TMEM51: variants seen among roughly 807,000 people sequenced by gnomAD.
The protein encoded by TMEM51 is transmembrane protein 51.
Under a neutral mutation model 13.6 loss-of-function variants are expected in TMEM51, and 8 were observed. The ratio of observed to expected loss-of-function variants is 0.59; its 90% CI spans 0.35 to 1.07. The LOEUF (loss-of-function observed/expected upper bound fraction) is 1.07, where lower values mean the gene tolerates loss of function less well. Among genes scored for constraint, TMEM51 ranks in the 50% least tolerant of loss-of-function variants. The pLI is 0.02. For synonymous variants in TMEM51, 147 were observed against 144.4 expected (o/e 1.02, Z -0.13); for missense variants, 279 against 330.7 (o/e 0.84, Z 1.21).
intron 1 of TMEM51, among the ~76,000 whole-genome samples, chr1:15,209,968 T>C (rs142073759): frequency 1.3e-5 from 2 of 151,746 alleles, no homozygotes; most frequent in African/African-American, 4.8e-5. Context: ...GAGGCGGAGG[T>C]TGCAGTGAGC....
chr1:15,164,396 C>T (rs986077224), intron 1 of TMEM51: 3 of 455,966 alleles, frequency 6.6e-6, no homozygotes, highest in African/African-American at 6.0e-5. Flanking sequence ...TAGAACTTCC[C>T]TGAATTTCGG....
intron 2 of TMEM51, among the ~76,000 whole-genome samples, chr1:15,214,006 C>CTTTTTTTTTTTTTTTTTTTTTTTTTTTTT (rs367871717): frequency 8.1e-6 from 1 of 124,204 alleles, no homozygotes; most frequent in Non-Finnish European, 1.7e-5. Flanking sequence ...AGCACCCAGC[C>CTTTTTTTTTTTTTTTTTTTTTTTTTTTTT]TTTTTTTTTT....
intron 1 of TMEM51, chr1:15,168,478 A>C: frequency 7.7e-7 from 1 of 1,300,172 alleles, no homozygotes; most frequent in Non-Finnish European, 1.0e-6. Context: ...AGAATGTATA[A>C]GTTCCAATTT....
chr1:15,164,142 C>T (rs756985126), intron 1 of TMEM51, among the ~76,000 whole-genome samples: 2 of 151,928 alleles, frequency 1.3e-5, no homozygotes, highest in African/African-American at 2.4e-5. Flanking sequence ...ATGTTGGCAT[C>T]TTACATAATC....
At chr1:15,218,827 G>C (rs1339409493) in intron 3 of TMEM51, among the ~76,000 whole-genome samples, 3 of 152,074 alleles carry the variant, frequency 2.0e-5, no homozygotes, top group East Asian at 3.9e-4. Context: ...GTCTTAAATA[G>C]CTTGCCCCTC....
chr1:15,184,557 T>TG lies in TMEM51; in HGVS notation c.-266-25932dup, dbSNP rs546296826. 2.0e-4 allele frequency among the ~76,000 whole-genome samples: 30 copies of TG among 152,270 alleles called. No individual in the cohort carries two copies. The East Asian group carries it at 5.4e-3, about 27-fold the overall frequency. On this transcript the variant is annotated intron_variant, in intron 1 of 3. Transcript: ENST00000376008. ...TCATTTTGGCTGCTGCGTAAAGACT[T>TG]GCTAGGGCCAGGGCAGCTGCAGAGA...
At chr1:15,192,380 A>G in intron 1 of TMEM51, 1 of 405,868 alleles carries the variant, frequency 2.5e-6, no homozygotes, top group Non-Finnish European at 4.8e-6. Context: ...AGTATCAGGA[A>G]CTCCTTCTTG....
intron 1 of TMEM51, among the ~76,000 whole-genome samples, chr1:15,174,955 A>T (rs1004860217): frequency 2.0e-5 from 3 of 152,210 alleles, no homozygotes; most frequent in Non-Finnish European, 4.4e-5. Context: ...TTAGAGCTTC[A>T]TATGAATTTT....
intron 1 of TMEM51, chr1:15,168,858 T>C: frequency 8.2e-7 from 1 of 1,221,466 alleles, no homozygotes; most frequent in South Asian, 1.5e-5. Context: ...TTACAGATAT[T>C]TGGGGACTAC....
intron 1 of TMEM51, among the ~76,000 whole-genome samples, chr1:15,156,867 A>G (rs1642609047): frequency 6.6e-6 from 1 of 152,134 alleles, no homozygotes; most frequent in Non-Finnish European, 1.5e-5. Flanking sequence ...ACCTGGCCAC[A>G]TTCGGGACCA....
intron 3 of TMEM51, among the ~76,000 whole-genome samples, chr1:15,216,824 G>A (rs910404813): frequency 4.6e-5 from 7 of 152,158 alleles, no homozygotes; most frequent in African/African-American, 9.7e-5. Flanking sequence ...ATGAGAAAAG[G>A]GGGATATAAT....
chr1:15,217,534 G>C (rs1458612812), intron 3 of TMEM51, among the ~76,000 whole-genome samples: 1 of 152,130 alleles, frequency 6.6e-6, no homozygotes, highest in Admixed American at 6.5e-5. Flanking sequence ...GATCATGGAA[G>C]CCAAAAAGTC....
chr1:15,164,447 T>G (rs911333976), intron 1 of TMEM51: 7 of 455,938 alleles, frequency 1.5e-5, no homozygotes, highest in Non-Finnish European at 3.1e-5. Context: ...GGCCTTTGGG[T>G]TTTGGGAAAG....
intron 1 of TMEM51, among the ~76,000 whole-genome samples, chr1:15,175,476 T>C (rs1324370971): frequency 6.6e-6 from 1 of 152,236 alleles, no homozygotes; most frequent in African/African-American, 2.4e-5. Flanking sequence ...TCCCCTTCTA[T>C]CTTGCCCATC....
chr1:15,215,493 CAT>C, intron 3 of TMEM51, 62 bp downstream of exon 3: 1 of 1,403,356 alleles, frequency 7.1e-7, no homozygotes, highest in Non-Finnish European at 9.5e-7. Context: ...CATGCACACA[CAT>C]GTTCACACCT....
upstream of TMEM51, among the ~76,000 whole-genome samples, chr1:15,153,194 A>G (rs1221837799): frequency 1.4e-5 from 2 of 145,800 alleles, no homozygotes; most frequent in African/African-American, 5.0e-5. Context: ...AGCCCAGGGC[A>G]GAAGGGGGAG....
intron 1 of TMEM51, among the ~76,000 whole-genome samples, chr1:15,165,791 A>G (rs1254765692): frequency 2.6e-5 from 4 of 152,232 alleles, no homozygotes; most frequent in African/African-American, 4.8e-5. Flanking sequence ...TAAAAATTCC[A>G]GTATTGATGA....
upstream of TMEM51, chr1:15,152,648 ATGG>A (rs1642435402): frequency 1.3e-5 from 2 of 152,212 alleles, no homozygotes; most frequent in African/African-American, 2.4e-5. Context: ...CAGAGAGGGA[ATGG>A]GAGCTGGCTC....
chr1:15,215,515 G>T, intron 3 of TMEM51, 84 bp downstream of exon 3: 1 of 1,268,102 alleles, frequency 7.9e-7, no homozygotes, highest in Non-Finnish European at 1.1e-6. Context: ...TTTCCGTGGT[G>T]AAAAGACTGT....
Sources: gnomAD v4.1 joint callset for allele counts (sites outside exome capture counted in the v4.1 genomes callset) on GRCh38, gnomAD v4.1.1 for gene constraint, MANE v1.5 for transcripts, NCBI Gene and HGNC (gene_info 2026-07-23, HGNC 2026-07-21) for gene names.